The following DENND1A variants were observed in gnomAD, a reference collection of about 807,000 sequenced individuals.
The protein encoded by DENND1A is DENN domain containing 1A.
A neutral mutation model predicts 113.7 loss-of-function variants in DENND1A; 51 were observed. The observed-to-expected ratio is 0.45, with a 90% CI of 0.36 to 0.57. The LOEUF is 0.57. Among genes scored for constraint, DENND1A ranks in the 20% least tolerant of loss-of-function variants. DENND1A has a pLI of 0.00. For synonymous variants in DENND1A, 565 were observed against 570.8 expected (o/e 0.99, Z 0.14); for missense variants, 1,258 against 1,395.9 (o/e 0.90, Z 1.57).
chr9:123,672,597 C>A lies in DENND1A; in HGVS notation c.373-1226G>T, dbSNP rs139152150. ...ATATCATTGTAACAGTATTAAGAGG[C>A]AGGACCTTTAAGAGTGAGTACATCA... On this transcript the variant is annotated intron_variant, in intron 6 of 23. Coordinates refer to ENST00000394215, the MANE Select transcript of DENND1A (RefSeq NM_001352964.2). Among the ~76,000 whole-genome samples, 605 of 152,220 alleles carry A rather than the reference C, an allele frequency of 4.0e-3. 2 individuals carry two copies. The highest frequency in any genetic ancestry group is 0.014 in the African/African-American group (571 of 41,532).
At chr9:123,642,398 G>T (rs2062077563) in intron 9 of DENND1A, among the ~76,000 whole-genome samples, 1 of 152,218 alleles carries the variant, frequency 6.6e-6, no homozygotes, top group Admixed American at 6.5e-5. Flanking sequence ...CTGCTTGGAA[G>T]TTTGGCTGCA....
chr9:123,818,191 G>A lies in DENND1A; in HGVS notation c.89-25561C>T, dbSNP rs564106607. 5.3e-5 allele frequency among the ~76,000 whole-genome samples: 8 copies of A among 151,516 alleles called. No individual in the cohort carries two copies. In the South Asian group the frequency reaches 1.5e-3, roughly 28 times the overall value. On this transcript the variant is annotated intron_variant, in intron 2 of 23. Transcript: ENST00000394215. ...GCGATCTCGGCTCACTGCAAGCTCC[G>A]CCTCCCAGGTTCACACCATTCTCCT...
At chr9:123,496,153 A>T (rs2051897799) in intron 13 of DENND1A, among the ~76,000 whole-genome samples, 1 of 152,210 alleles carries the variant, frequency 6.6e-6, no homozygotes, top group East Asian at 1.9e-4. Context: ...TTTTGTTTTT[A>T]AAAAAACCAT....
intron 13 of DENND1A, among the ~76,000 whole-genome samples, chr9:123,527,229 T>C (rs2054916853): frequency 6.6e-6 from 1 of 152,230 alleles, no homozygotes; most frequent in Non-Finnish European, 1.5e-5. Flanking sequence ...TGCTGGATTA[T>C]GGTGACAGCC....
At chr9:123,607,494 C>G (rs1346814475) in intron 11 of DENND1A, among the ~76,000 whole-genome samples, 1,414 of 57,154 alleles carry the variant, frequency 0.025, 18 homozygotes, top group South Asian at 0.048. Context: ...GAGAGACACA[C>G]ACACACACAC....
At chr9:123,552,104 C>G (rs1174662960) in intron 13 of DENND1A, among the ~76,000 whole-genome samples, 1 of 142,684 alleles carries the variant, frequency 7.0e-6, no homozygotes, top group Non-Finnish European at 1.5e-5. Context: ...GAGCTCTGAG[C>G]CAGGGAAAAG....
chr9:123,483,133 T>A (rs901649053), intron 13 of DENND1A, among the ~76,000 whole-genome samples: 1 of 152,086 alleles, frequency 6.6e-6, no homozygotes, highest in East Asian at 1.9e-4. Flanking sequence ...AGAGTTGACT[T>A]GGATGCAAGA....
rs1429696947 is a variant in DENND1A, at chr9:123,715,859, A to T, written c.303-39070T>A. On this transcript the variant is annotated intron_variant, in intron 5 of 23. Transcript: ENST00000394215. The stretch of plus-strand genomic sequence containing the variant: ...CCCAACTAATTTTTGTATTTTTAAT[A>T]GAGATGGGGTTTTGCCATGTTGCCC... Among the ~76,000 whole-genome samples, 15 of 152,064 alleles carry T rather than the reference A, an allele frequency of 9.9e-5. No homozygotes were observed. In the East Asian group the frequency reaches 2.9e-3, roughly 29 times the overall value.
intron 5 of DENND1A, among the ~76,000 whole-genome samples, chr9:123,724,363 T>C (rs995261141): frequency 2.0e-5 from 3 of 152,114 alleles, no homozygotes; most frequent in Admixed American, 2.0e-4. Flanking sequence ...TCTCAACCTT[T>C]AGAGGTACTG....
At chr9:123,776,860 G>A (rs1480310192) in intron 3 of DENND1A, among the ~76,000 whole-genome samples, 2 of 152,200 alleles carry the variant, frequency 1.3e-5, no homozygotes, top group African/African-American at 4.8e-5. Context: ...GTAGGAAAAC[G>A]CAAAGGACAG....
At chr9:123,587,216 CT>C (rs1210186236) in intron 11 of DENND1A, among the ~76,000 whole-genome samples, 1 of 152,088 alleles carries the variant, frequency 6.6e-6, no homozygotes, top group African/African-American at 2.4e-5. Context: ...TGAAGTAATT[CT>C]TTAACATAGC....
intron 21 of DENND1A, chr9:123,402,600 T>G: frequency 1.9e-6 from 1 of 534,790 alleles, no homozygotes; most frequent in South Asian, 1.4e-5. Flanking sequence ...GACGAACTCA[T>G]GCACTTTTTC....
rs556595423 is a variant in DENND1A at position 123,572,426 on chromosome 9, A to G, written c.867+10743T>C. On this transcript the variant is annotated intron_variant, in intron 12 of 23. Coordinates refer to ENST00000394215, the MANE Select transcript of DENND1A (RefSeq NM_001352964.2). ...CATACGTTTTCCTTTTCTTGGGCAA[A>G]TACCTAGGTGTGGGATCGCCTGGTC... Among the ~76,000 whole-genome samples the G allele has an allele frequency of 3.9e-5, 6 of 152,264 alleles. 2 individuals carry two copies. The South Asian group carries it at 1.0e-3, about 26-fold the overall frequency.
chr9:123,747,555 G>C (rs1265471624), intron 5 of DENND1A, among the ~76,000 whole-genome samples: 1 of 152,090 alleles, frequency 6.6e-6, no homozygotes, highest in Non-Finnish European at 1.5e-5. Context: ...TCAAGTCCAT[G>C]AGTAGAAAAT....
At chr9:123,513,527 C>CA (rs1205619159) in intron 13 of DENND1A, among the ~76,000 whole-genome samples, 1 of 152,238 alleles carries the variant, frequency 6.6e-6, no homozygotes, top group Admixed American at 6.5e-5. Context: ...TAAGAGGACA[C>CA]ACCAAGGCCC....
Position 123,406,656 on chromosome 9 carries a change from C to T in DENND1A, c.1543-3166G>A, listed in dbSNP as rs533446695. Among the ~76,000 whole-genome samples the T allele has an allele frequency of 5.9e-5, 9 of 152,340 alleles. No individual in the cohort carries two copies. In the South Asian group the frequency reaches 8.3e-4, roughly 14 times the overall value. ...CCACACAGCTCACATTCAGTCAACA[C>T]GTGCTGAATAAACAAGTGGGTATCC... On this transcript the variant is annotated intron_variant, in intron 20 of 23. Transcript: ENST00000394215.
At chr9:123,822,359 A>G (rs551842040) in intron 2 of DENND1A, among the ~76,000 whole-genome samples, 10 of 152,336 alleles carry the variant, frequency 6.6e-5, no homozygotes, top group Admixed American at 4.6e-4. Flanking sequence ...TCTTTTCAAC[A>G]TAGTGGAAAA....
chr9:123,909,112 A>G (rs1478535198), intron 1 of DENND1A, among the ~76,000 whole-genome samples: 3 of 151,020 alleles, frequency 2.0e-5, no homozygotes, highest in African/African-American at 7.3e-5. Flanking sequence ...AAAACCAAAC[A>G]CCGCATATTC....
intron 1 of DENND1A, among the ~76,000 whole-genome samples, chr9:123,879,591 T>C (rs1848035313): frequency 6.7e-6 from 1 of 148,464 alleles, no homozygotes; most frequent in Non-Finnish European, 1.5e-5. Flanking sequence ...CTAGGCATGA[T>C]GTCTGGCACA....
Sources: allele counts gnomAD v4.1 joint callset (sites outside exome capture counted in the v4.1 genomes callset), GRCh38; gene constraint gnomAD v4.1.1; transcripts MANE v1.5; gene names NCBI Gene and HGNC (gene_info 2026-07-23, HGNC 2026-07-21).